Variants in WDR17 observed in about 807,000 individuals in gnomAD.
WDR17 encodes the protein WD repeat-containing protein 17.
In WDR17, 143 loss-of-function variants were observed where a neutral mutation model predicts 161.7. That is an observed-to-expected ratio of 0.88 (90% confidence interval 0.77 to 1.02). WDR17 has a LOEUF of 1.02. Ranked by LOEUF, WDR17 falls within the 50% of genes least tolerant of loss-of-function variation. WDR17 has a pLI of 0.00. For synonymous variants in WDR17, 517 were observed against 515.6 expected, an observed-to-expected ratio of 1.00 and a Z score of -0.04; for missense variants, 1,469 against 1,520.9, an observed-to-expected ratio of 0.97 and a Z score of 0.57.
chr4:176,095,419 A>G (rs182788989), intron 1 of WDR17, among the ~76,000 whole-genome samples: 16 of 152,270 alleles, frequency 1.1e-4, no homozygotes, highest in Admixed American at 4.6e-4. Context: ...CTTCACTCAG[A>G]TATTATTGAA....
intron 1 of WDR17, among the ~76,000 whole-genome samples, chr4:176,074,454 C>A (rs186113759): frequency 2.0e-5 from 3 of 151,250 alleles, no homozygotes; most frequent in Admixed American, 6.6e-5. Context: ...ATCTGTTTTG[C>A]TAATTTCCTT....
At chr4:176,105,209 AC>A (rs1561104988) in intron 1 of WDR17, among the ~76,000 whole-genome samples, 1 of 152,062 alleles carries the variant, frequency 6.6e-6, no homozygotes, top group Non-Finnish European at 1.5e-5. Context: ...CACCTAAAAA[AC>A]ACCATCAAAA....
At chr4:176,165,835 C>T (rs1418740306) in intron 22 of WDR17, among the ~76,000 whole-genome samples, 1 of 152,164 alleles carries the variant, frequency 6.6e-6, no homozygotes, top group Non-Finnish European at 1.5e-5. Context: ...TTCCTTGTAA[C>T]GCCCCCATCC....
At chr4:176,078,552 A>G (rs981217162) in intron 1 of WDR17, among the ~76,000 whole-genome samples, 1 of 152,146 alleles carries the variant, frequency 6.6e-6, no homozygotes, top group East Asian at 1.9e-4. Flanking sequence ...GTATGCCTCT[A>G]TAGCACAGAT....
intron 2 of WDR17, among the ~76,000 whole-genome samples, chr4:176,113,145 TC>T (rs896313395): frequency 2.0e-5 from 3 of 151,910 alleles, no homozygotes; most frequent in African/African-American, 7.2e-5. Flanking sequence ...TGTTTTTTTC[TC>T]CCATCTACCT....
At chr4:176,160,717 G>T (rs961634422) in intron 19 of WDR17, among the ~76,000 whole-genome samples, 194 bp from the exon 20 acceptor site, 10 of 152,166 alleles carry the variant, frequency 6.6e-5, no homozygotes, top group African/African-American at 2.2e-4. Context: ...GAACAACTTA[G>T]TAATAATTCA....
rs751630392 is a variant in WDR17, at chr4:176,137,599, A to G, written c.1347A>G (p.Gln449=). Residue 449 remains glutamine, a synonymous_variant, in exon 9 of 29, where the codon CAA becomes CAG. Coordinates refer to ENST00000508596, the MANE Select transcript of WDR17 (RefSeq NM_181265.4). ...ATGTTCAAAAGGGCAAAATTATACAACGATTTAATGAGGTAAGATTTATTT... is the reference window on the plus strand; with the variant it reads ...ATGTTCAAAAGGGCAAAATTATACAGCGATTTAATGAGGTAAGATTTATTT... ...IWNVQKGKII[Q]RFNEHGTNGI... is the part of the protein sequence containing the mutation. 6.3e-7 allele frequency: 1 copy of G among 1,592,014 alleles called. No individual in the cohort carries two copies. Among genetic ancestry groups the G allele is most frequent in the East Asian group, 2.3e-5 (1 of 44,124 alleles).
At chr4:176,072,942 T>C (rs984425545) in intron 1 of WDR17, among the ~76,000 whole-genome samples, 6 of 152,116 alleles carry the variant, frequency 3.9e-5, no homozygotes, top group African/African-American at 1.4e-4. Context: ...TTTCTTACTA[T>C]TTCTCAGACA....
intron 18 of WDR17, 32 bp from the exon 19 acceptor site, chr4:176,159,962 T>A: frequency 6.5e-7 from 1 of 1,538,376 alleles, no homozygotes; most frequent in African/African-American, 1.4e-5. Context: ...CAAAATAATA[T>A]ATTGTTTAAA....
chr4:176,084,964 T>A (rs1303882482), intron 1 of WDR17, among the ~76,000 whole-genome samples: 1 of 151,680 alleles, frequency 6.6e-6, no homozygotes, highest in Non-Finnish European at 1.5e-5. Context: ...TCAGTTTGTG[T>A]ATCTTTGCGT....
At chr4:176,100,017 C>A (rs1254032058) in intron 1 of WDR17, among the ~76,000 whole-genome samples, 1 of 152,158 alleles carries the variant, frequency 6.6e-6, no homozygotes. Flanking sequence ...TATAGCTTTG[C>A]TATTGCAAAT....
At chr4:176,085,875 CTT>C (rs1269769479) in intron 1 of WDR17, among the ~76,000 whole-genome samples, 1 of 151,890 alleles carries the variant, frequency 6.6e-6, no homozygotes, top group Non-Finnish European at 1.5e-5. Context: ...AAGATAGAAA[CTT>C]AAATCTTTGA....
At chr4:176,165,045 G>C (rs950239953) in intron 22 of WDR17, among the ~76,000 whole-genome samples, 4 of 145,144 alleles carry the variant, frequency 2.8e-5, no homozygotes, top group East Asian at 4.0e-4. Context: ...GCAGTAAAAG[G>C]GCCAAGCACA....
intron 1 of WDR17, among the ~76,000 whole-genome samples, chr4:176,081,712 C>T (rs1426923224): frequency 3.3e-5 from 5 of 152,100 alleles, no homozygotes; most frequent in Admixed American, 3.3e-4. Flanking sequence ...GCTGCTGCAG[C>T]GACAGCATCA....
rs896252327 is a variant in WDR17, at chr4:176,182,177, A to G, written c.*2598A>G. The stretch of plus-strand genomic sequence containing the variant: ...TGGACAAATTACTTTGCAGGTTTAA[A>G]TATGCCTCTGTAAAGGAAGAGTCTC... On this transcript the variant is annotated 3_prime_UTR_variant, in exon 29 of 29. Coordinates refer to ENST00000508596, the MANE Select transcript of WDR17 (RefSeq NM_181265.4). This position sits in a 1 kb window ranked among gnomAD's most constrained non-coding sequence, Gnocchi z 4.2. The G allele has an allele frequency of 6.6e-6, 1 of 152,062 alleles. No homozygotes were observed. Among genetic ancestry groups the G allele is most frequent in the Admixed American group, 6.6e-5 (1 of 15,260 alleles). The allele number at this position is 152,062 out of a possible 1,614,324, so 9.4% of individuals were successfully genotyped here. A position where few individuals can be genotyped will look rare whatever the true frequency, so the allele number is the denominator to read the frequency against.
chr4:176,085,372 CAA>C (rs1478226850), intron 1 of WDR17, among the ~76,000 whole-genome samples: 1 of 152,028 alleles, frequency 6.6e-6, no homozygotes. Context: ...ACTATATTCT[CAA>C]AGAGTTTATG....
chr4:176,173,263 C>T lies in WDR17; in HGVS notation c.3245-4C>T. On this transcript the variant is annotated splice_region_variant and splice_polypyrimidine_tract_variant and intron_variant, in intron 24 of 28. Transcript: ENST00000508596. ...GAATCTTCCATCTGGTTTAATTTTT[C>T]CAGAATACATCAGTAGCTCAGACTG... is the stretch of plus-strand genomic sequence containing the variant. 3 of 1,589,198 alleles carry T rather than the reference C, an allele frequency of 1.9e-6. No individual in the cohort carries two copies. Among genetic ancestry groups the T allele is most frequent in the Non-Finnish European group, 2.6e-6 (3 of 1,168,034 alleles).
rs116285030 is a variant in WDR17, at chr4:176,078,623, C to T, written c.-7+12544C>T. On this transcript the variant is annotated intron_variant, in intron 1 of 28. Transcript: ENST00000508596. ...CTTTGAATCTTGAAACTTGTGGGAA[C>T]GAAATTCTTCAACTGGAAGATAAAA... Among the ~76,000 whole-genome samples, 317 of 152,076 alleles carry T rather than the reference C, an allele frequency of 2.1e-3. 1 individual carries two copies. The highest frequency in any genetic ancestry group is 6.9e-3 in the African/African-American group (287 of 41,530).
At chr4:176,120,415 T>C (rs954331105) in intron 4 of WDR17, among the ~76,000 whole-genome samples, 8 of 151,460 alleles carry the variant, frequency 5.3e-5, no homozygotes. Context: ...TTTATTTCTG[T>C]ACATTTACTA....
Sources: allele counts gnomAD v4.1 joint callset (sites outside exome capture counted in the v4.1 genomes callset), GRCh38; gene constraint gnomAD v4.1.1; non-coding constraint Gnocchi (gnomAD v3.1); transcripts MANE v1.5; gene names NCBI Gene and HGNC (gene_info 2026-07-23, HGNC 2026-07-21).